The following FHIT variants were observed in gnomAD, a reference collection of about 807,000 sequenced individuals.
The protein encoded by FHIT is fragile histidine triad diadenosine triphosphatase.
A neutral mutation model predicts 17.9 loss-of-function variants in FHIT; 19 were observed. The ratio of observed to expected loss-of-function variants is 1.06; its 90% confidence interval spans 0.74 to 1.56. FHIT has a LOEUF of 1.56. FHIT is among the 40% of genes most tolerant of loss of function. FHIT has a pLI of 0.00. For synonymous variants in FHIT, 81 were observed against 69.7 expected, an observed-to-expected ratio of 1.16 and a Z score of -0.81; for missense variants, 248 against 189.2, an observed-to-expected ratio of 1.31 and a Z score of -1.82.
intron 4 of FHIT, among the ~76,000 whole-genome samples, chr3:60,555,539 A>G (rs1423136564): frequency 6.6e-6 from 1 of 152,178 alleles, no homozygotes; most frequent in East Asian, 1.9e-4. Flanking sequence ...CCTGCACCCT[A>G]GACAAATTGG....
intron 4 of FHIT, among the ~76,000 whole-genome samples, chr3:60,735,198 C>A (rs2107996865): frequency 6.6e-6 from 1 of 152,216 alleles, no homozygotes; most frequent in African/African-American, 2.4e-5. Context: ...GACAGGAAAC[C>A]AGTAAATGAT....
intron 5 of FHIT, among the ~76,000 whole-genome samples, chr3:60,183,998 GTT>G (rs11302357): frequency 0.012 from 1,695 of 146,548 alleles, 31 homozygotes; most frequent in African/African-American, 0.041. Flanking sequence ...TTTATTTTTC[GTT>G]TTTTTTTTTG....
intron 5 of FHIT, among the ~76,000 whole-genome samples, chr3:60,459,113 T>C (rs2032301269): frequency 6.6e-6 from 1 of 152,154 alleles, no homozygotes; most frequent in Non-Finnish European, 1.5e-5. Flanking sequence ...GAAAAGCATT[T>C]TTTATAATGT....
At chr3:60,096,561 G>T (rs901139506) in intron 5 of FHIT, among the ~76,000 whole-genome samples, 1 of 152,246 alleles carries the variant, frequency 6.6e-6, no homozygotes, top group African/African-American at 2.4e-5. Context: ...TTTCACTGGG[G>T]ACTCACCTCT....
chr3:61,147,514 A>G (rs2037260120), intron 2 of FHIT, among the ~76,000 whole-genome samples: 1 of 152,044 alleles, frequency 6.6e-6, no homozygotes, highest in African/African-American at 2.4e-5. Flanking sequence ...ATATGCTGCA[A>G]TATGAATTTT....
At chr3:60,213,595 A>T (rs1184557309) in intron 5 of FHIT, among the ~76,000 whole-genome samples, 2 of 152,258 alleles carry the variant, frequency 1.3e-5, no homozygotes, top group East Asian at 1.9e-4. Context: ...CCTTCCAATA[A>T]GACTATTTTT....
intron 1 of FHIT, among the ~76,000 whole-genome samples, chr3:61,215,248 A>G (rs1477278651): frequency 1.3e-5 from 2 of 151,748 alleles, no homozygotes; most frequent in Non-Finnish European, 2.9e-5. Context: ...ACATGATTGT[A>G]TATCTAGAAA....
At chr3:60,230,005 T>G (rs1370088574) in intron 5 of FHIT, among the ~76,000 whole-genome samples, 2 of 152,188 alleles carry the variant, frequency 1.3e-5, no homozygotes, top group Non-Finnish European at 2.9e-5. Flanking sequence ...AAGAATTAAG[T>G]GTAATCGGCC....
intron 3 of FHIT, among the ~76,000 whole-genome samples, chr3:60,990,191 G>A (rs7374366): frequency 0.92 from 139,866 of 152,250 alleles, 64,405 homozygotes; most frequent in East Asian, 1. Context: ...GGAAATTTAA[G>A]TCTACATCCG....
chr3:60,347,272 A>G (rs892171996), intron 5 of FHIT, among the ~76,000 whole-genome samples: 17 of 152,212 alleles, frequency 1.1e-4, no homozygotes, highest in African/African-American at 4.1e-4. Context: ...CAACCACAAT[A>G]TAAAGAATAC....
chr3:61,044,161 C>T (rs13314073), intron 2 of FHIT, among the ~76,000 whole-genome samples: 4,144 of 152,108 alleles, frequency 0.027, 120 homozygotes, highest in African/African-American at 0.073. Flanking sequence ...AGGCTTCAGA[C>T]GATTGTTAGT....
In FHIT at chr3:59,945,726, A is replaced by G. The variant is rs552373645; in HGVS notation, c.280-23312T>C. On this transcript the variant is annotated intron_variant, in intron 7 of 9. Transcript: ENST00000492590. ...TTTATTTTTGCATACATTAAAAGGA[A>G]GGGGTCCAGTTTCAGTCTTCTGCAT... 5.3e-5 allele frequency among the ~76,000 whole-genome samples: 8 copies of G among 152,300 alleles called. No homozygotes were observed. The South Asian group carries it at 1.7e-3, about 32-fold the overall frequency.
intron 5 of FHIT, among the ~76,000 whole-genome samples, chr3:60,406,742 C>G (rs996574171): frequency 1.3e-5 from 2 of 152,002 alleles, no homozygotes; most frequent in African/African-American, 4.8e-5. Flanking sequence ...CCCAACCATT[C>G]CATGAATTTT....
chr3:60,343,794 T>C (rs1413739170), intron 5 of FHIT, among the ~76,000 whole-genome samples: 1 of 152,176 alleles, frequency 6.6e-6, no homozygotes. Context: ...TCTTTACTTC[T>C]CCTTTAAAAG....
chr3:61,244,475 G>T (rs2040441008), intron 1 of FHIT, among the ~76,000 whole-genome samples: 1 of 152,158 alleles, frequency 6.6e-6, no homozygotes, highest in Non-Finnish European at 1.5e-5. Flanking sequence ...ATTTGCCCAT[G>T]ATGGGGTTCA....
chr3:60,442,610 C>G (rs150685132), intron 5 of FHIT, among the ~76,000 whole-genome samples: 272 of 152,234 alleles, frequency 1.8e-3, no homozygotes, highest in African/African-American at 6.2e-3. Flanking sequence ...TCTGAGGGCT[C>G]TGTCCTGTCC....
At chr3:60,867,785 G>T (rs909254888) in intron 3 of FHIT, among the ~76,000 whole-genome samples, 2 of 152,176 alleles carry the variant, frequency 1.3e-5, no homozygotes, top group South Asian at 2.1e-4. Flanking sequence ...CTCAGCCTGG[G>T]TCTATCTGAA....
At chr3:60,753,775 G>C (rs1285112936) in intron 4 of FHIT, among the ~76,000 whole-genome samples, 2 of 152,110 alleles carry the variant, frequency 1.3e-5, no homozygotes, top group Non-Finnish European at 2.9e-5. Context: ...ATTAGGTATT[G>C]AACTGCCTGC....
At chr3:60,353,331 G>C (rs1178447811) in intron 5 of FHIT, among the ~76,000 whole-genome samples, 3 of 152,004 alleles carry the variant, frequency 2.0e-5, no homozygotes, top group African/African-American at 4.8e-5. Flanking sequence ...AAGTTTAACT[G>C]CTTAGGTGAT....
Sources: gnomAD v4.1 joint callset for allele counts (sites outside exome capture counted in the v4.1 genomes callset) on GRCh38, gnomAD v4.1.1 for gene constraint, MANE v1.5 for transcripts, NCBI Gene and HGNC (gene_info 2026-07-23, HGNC 2026-07-21) for gene names.